SV2C: variants seen among roughly 807,000 people sequenced by gnomAD.
The protein encoded by SV2C is solute carrier family 22 member B3.
In SV2C, 49 loss-of-function variants were observed where a neutral mutation model predicts 79.7. The observed-to-expected ratio is 0.61, with a 90% CI of 0.49 to 0.78. The LOEUF (loss-of-function observed/expected upper bound fraction) is 0.78, where lower values mean the gene tolerates loss of function less well. Ranked by LOEUF, SV2C falls within the 30% of genes least tolerant of loss-of-function variation. The probability of loss-of-function intolerance (pLI) is 0.00; values close to 1 mark genes in which losing one functional copy is unlikely to be tolerated. For synonymous variants in SV2C, 334 were observed against 333.2 expected, an observed-to-expected ratio of 1.00 and a Z score of -0.03; for missense variants, 833 against 912.9, an observed-to-expected ratio of 0.91 and a Z score of 1.13.
At chr5:76,147,639 A>C (rs9293673) in intron 2 of SV2C, among the ~76,000 whole-genome samples, 72 of 152,282 alleles carry the variant, frequency 4.7e-4, no homozygotes, top group African/African-American at 1.7e-3. Flanking sequence ...CTTGGAAATC[A>C]GAGGGGAACA....
intron 2 of SV2C, among the ~76,000 whole-genome samples, chr5:76,193,617 T>G (rs1296746218): frequency 6.6e-6 from 1 of 152,186 alleles, no homozygotes; most frequent in African/African-American, 2.4e-5. Flanking sequence ...CCCTATAGCA[T>G]CAGGTTTTAA....
chr5:76,285,281 C>A lies in SV2C; in HGVS notation c.1033C>A (p.Arg345=), dbSNP rs769597563. 3.1e-6 allele frequency: 5 copies of A among 1,614,110 alleles called. No homozygotes were observed. The East Asian group carries it at 8.9e-5, about 29-fold the overall frequency. Residue 345 remains arginine, a synonymous_variant, in exon 5 of 13, where the codon CGA becomes AGA. Coordinates refer to ENST00000502798, the MANE Select transcript of SV2C (RefSeq NM_014979.4). ...CCTCACATTCATGCCTGAAAGCCCACGATTCTTGTTGGAGGTAACACTTAT... is the reference window on the plus strand; with the variant it reads ...CCTCACATTCATGCCTGAAAGCCCAAGATTCTTGTTGGAGGTAACACTTAT... ...VALTFMPESP[R]FLLEVGKHDE... is the part of the protein sequence containing the mutation.
the SV2C span, among the ~76,000 whole-genome samples, chr5:75,936,352 T>C: frequency 2.0e-5 from 3 of 152,250 alleles, no homozygotes; most frequent in African/African-American, 7.2e-5. Context: ...CATCTTGGGC[T>C]GAGGAAATTC....
At chr5:76,278,388 G>A (rs963102356) in intron 4 of SV2C, among the ~76,000 whole-genome samples, 4 of 152,286 alleles carry the variant, frequency 2.6e-5, no homozygotes, top group Middle Eastern at 3.4e-3. Flanking sequence ...GATTTTGTGT[G>A]TGAGCCTCTC....
chr5:76,001,277 G>T, the SV2C span, among the ~76,000 whole-genome samples: 1 of 152,136 alleles, frequency 6.6e-6, no homozygotes, highest in African/African-American at 2.4e-5. Context: ...AAATAATTTT[G>T]CATACAGAAT....
the SV2C span, among the ~76,000 whole-genome samples, chr5:75,865,362 T>A: frequency 6.6e-6 from 1 of 152,142 alleles, no homozygotes; most frequent in Non-Finnish European, 1.5e-5. Flanking sequence ...GTGCCACTCA[T>A]GTCAATGGTC....
At chr5:76,159,409 C>A (rs1742834350) in intron 2 of SV2C, among the ~76,000 whole-genome samples, 1 of 152,070 alleles carries the variant, frequency 6.6e-6, no homozygotes, top group Non-Finnish European at 1.5e-5. Context: ...ACCATTAAAA[C>A]TAATAAACAA....
rs557576295 is a variant in SV2C at position 76,089,399 on chromosome 5, G to T, written c.-102+5887G>T. 4.6e-5 allele frequency among the ~76,000 whole-genome samples: 7 copies of T among 152,300 alleles called. No homozygotes were observed. In the East Asian group the frequency reaches 1.3e-3, roughly 29 times the overall value. ...CTGCATAGTATTCCATGGTGTATAT[G>T]TACCACATTTTCTATATCCACCTTA... On this transcript the variant is annotated intron_variant, in intron 1 of 12. Coordinates refer to ENST00000502798, the MANE Select transcript of SV2C (RefSeq NM_014979.4).
At chr5:75,920,450 C>T in the SV2C span, among the ~76,000 whole-genome samples, 1 of 152,136 alleles carries the variant, frequency 6.6e-6, no homozygotes, top group Admixed American at 6.5e-5. Context: ...AATAGGAAGG[C>T]AGAGGCTAAA....
At chr5:76,014,015 T>C in the SV2C span, among the ~76,000 whole-genome samples, 1 of 152,020 alleles carries the variant, frequency 6.6e-6, no homozygotes, top group Non-Finnish European at 1.5e-5. Flanking sequence ...GTGGGACTTC[T>C]GAATGTCAAA....
At chr5:76,069,660 C>T in the SV2C span, among the ~76,000 whole-genome samples, 1 of 152,154 alleles carries the variant, frequency 6.6e-6, no homozygotes, top group African/African-American at 2.4e-5. Flanking sequence ...AAAGGCAGAG[C>T]CTGAAAAGAT....
chr5:75,995,658 G>C, the SV2C span, among the ~76,000 whole-genome samples: 2 of 152,034 alleles, frequency 1.3e-5, no homozygotes, highest in African/African-American at 4.8e-5. Context: ...CTCAGATGTA[G>C]GTTAAAATGC....
the SV2C span, among the ~76,000 whole-genome samples, chr5:75,976,840 G>A: frequency 1.3e-5 from 2 of 152,110 alleles, no homozygotes. Flanking sequence ...TTTAGAAATA[G>A]GATACTTTTG....
At chr5:76,067,774 T>A in the SV2C span, among the ~76,000 whole-genome samples, 1 of 152,092 alleles carries the variant, frequency 6.6e-6, no homozygotes. Flanking sequence ...AGTAAAATGT[T>A]GTGATTTTAT....
chr5:76,236,870 G>A (rs149690881), intron 4 of SV2C, among the ~76,000 whole-genome samples: 60 of 152,288 alleles, frequency 3.9e-4, no homozygotes, highest in African/African-American at 1.3e-3. Flanking sequence ...TGTCAAAGGC[G>A]GGAACAGGTG....
rs145114252 is a variant in SV2C, at chr5:76,263,761, T to C, written c.914-21401T>C. 3.1e-3 allele frequency among the ~76,000 whole-genome samples: 467 copies of C among 152,290 alleles called. 1 individual carries two copies. The highest frequency in any genetic ancestry group is 5.2e-3 in the Non-Finnish European group (356 of 68,020). On this transcript the variant is annotated intron_variant, in intron 4 of 12. Coordinates refer to ENST00000502798, the MANE Select transcript of SV2C (RefSeq NM_014979.4). The stretch of plus-strand genomic sequence containing the variant: ...TGGATATGAAATTCTGGGTTAAAAA[T>C]TCTTTTAAGAATGTTGAATATTGGC...
chr5:75,882,371 A>G, the SV2C span, among the ~76,000 whole-genome samples: 1 of 146,976 alleles, frequency 6.8e-6, no homozygotes, highest in Admixed American at 6.8e-5. Flanking sequence ...AGCTCCAATG[A>G]CTTCCTTCAC....
intron 4 of SV2C, among the ~76,000 whole-genome samples, chr5:76,226,942 C>T (rs1745265783): frequency 6.6e-6 from 1 of 152,044 alleles, no homozygotes; most frequent in Non-Finnish European, 1.5e-5. Flanking sequence ...GTTAAGCGGG[C>T]CCCACAGGAA....
chr5:76,340,443 T>C (rs1294770426), intron 12 of SV2C, among the ~76,000 whole-genome samples: 1 of 152,196 alleles, frequency 6.6e-6, no homozygotes, highest in South Asian at 2.1e-4. Flanking sequence ...TTGGGATCCC[T>C]TTCTGTTAAC....
Sources: gnomAD v4.1 joint callset for allele counts (sites outside exome capture counted in the v4.1 genomes callset) on GRCh38, gnomAD v4.1.1 for gene constraint, MANE v1.5 for transcripts, NCBI Gene and HGNC (gene_info 2026-07-23, HGNC 2026-07-21) for gene names.